Variants in TUBGCP3 observed in about 807,000 individuals in gnomAD.
TUBGCP3 encodes gamma-tubulin complex component 3.
Under a neutral mutation model 123.1 loss-of-function variants are expected in TUBGCP3, and 50 were observed. The observed-to-expected ratio is 0.41, with a 90% CI of 0.32 to 0.51. The LOEUF is 0.51. Ranked by LOEUF, TUBGCP3 falls within the 20% of genes least tolerant of loss-of-function variation. The pLI is 0.36. For missense variants in TUBGCP3, 882 were observed against 1,127.0 expected, an observed-to-expected ratio of 0.78 and a Z score of 3.11; for synonymous variants, 405 against 413.9, an observed-to-expected ratio of 0.98 and a Z score of 0.26.
At chr13:112,540,259 G>A (rs57248424) in intron 11 of TUBGCP3, among the ~76,000 whole-genome samples, 101 of 74,524 alleles carry the variant, frequency 1.4e-3, no homozygotes, top group African/African-American at 2.8e-3. Context: ...ATACCTGGGA[G>A]TGATGACGTC....
chr13:112,554,711 A>G, intron 7 of TUBGCP3, among the ~76,000 whole-genome samples, 176 bp downstream of exon 7: 1 of 152,208 alleles, frequency 6.6e-6, no homozygotes, highest in East Asian at 1.9e-4. Flanking sequence ...TCCCCATAAC[A>G]AAACTGAACG....
At chr13:112,521,545 C>A (rs1385162756) in intron 14 of TUBGCP3, 3 of 429,716 alleles carry the variant, frequency 7.0e-6, no homozygotes, top group Non-Finnish European at 9.3e-6. Flanking sequence ...AGCAAGCTTT[C>A]TAGTCTGTGA....
chr13:112,604,909 C>T, the TUBGCP3 span: 4 of 152,248 alleles, frequency 2.6e-5, no homozygotes, highest in African/African-American at 9.6e-5. Context: ...CATGGATGTG[C>T]TGCTCTTTAT....
chr13:112,487,690 A>G (rs1482822933), intron 21 of TUBGCP3, among the ~76,000 whole-genome samples: 3 of 152,238 alleles, frequency 2.0e-5, no homozygotes, highest in Non-Finnish European at 4.4e-5. Context: ...TCCAACAGGG[A>G]TGCCTGTTCA....
chr13:112,599,385 TGAGA>T, the TUBGCP3 span, among the ~76,000 whole-genome samples: 1 of 152,264 alleles, frequency 6.6e-6, no homozygotes, highest in Non-Finnish European at 1.5e-5. Flanking sequence ...TTGTTCTGAC[TGAGA>T]GAGTTGTCTA....
intron 8 of TUBGCP3, among the ~76,000 whole-genome samples, chr13:112,553,834 T>A (rs1468852767): frequency 6.6e-6 from 1 of 152,164 alleles, no homozygotes; most frequent in African/African-American, 2.4e-5. Context: ...TTCTCTGTAT[T>A]TTACAGTCCT....
chr13:112,570,121 A>C (rs937689665), intron 1 of TUBGCP3, among the ~76,000 whole-genome samples: 1 of 140,662 alleles, frequency 7.1e-6, no homozygotes, highest in African/African-American at 2.7e-5. Flanking sequence ...GCTGCCAGAC[A>C]ACCACCGAGA....
chr13:112,490,598 A>G (rs979096887), intron 20 of TUBGCP3, among the ~76,000 whole-genome samples: 1 of 152,244 alleles, frequency 6.6e-6, no homozygotes. Flanking sequence ...ATATTACTGG[A>G]TTTCCCAAAC....
At chr13:112,562,217 G>T (rs1311600352) in intron 3 of TUBGCP3, among the ~76,000 whole-genome samples, 1 of 151,528 alleles carries the variant, frequency 6.6e-6, no homozygotes, top group Non-Finnish European at 1.5e-5. Context: ...GACCCACTAG[G>T]GACCACCACC....
At chr13:112,569,602 A>C (rs1014309207) in intron 1 of TUBGCP3, among the ~76,000 whole-genome samples, 6 of 152,198 alleles carry the variant, frequency 3.9e-5, no homozygotes. Context: ...AGAGCCTCTG[A>C]GTAACTCCAG....
intron 20 of TUBGCP3, among the ~76,000 whole-genome samples, chr13:112,498,194 A>G (rs886110621): frequency 6.6e-6 from 1 of 152,196 alleles, no homozygotes; most frequent in Non-Finnish European, 1.5e-5. Context: ...AGATCGTTTG[A>G]CTTAAGATTT....
At chr13:112,591,092 T>G (rs1369109071), upstream of TUBGCP3, among the ~76,000 whole-genome samples, 1 of 152,190 alleles carries the variant, frequency 6.6e-6, no homozygotes, top group Non-Finnish European at 1.5e-5. Context: ...AACACATACT[T>G]CAGCCAGGAG....
chr13:112,521,327 G>A lies in TUBGCP3; in HGVS notation c.1745+993C>T, dbSNP rs571725093. Among the ~76,000 whole-genome samples, 5 of 152,328 alleles carry A rather than the reference G, an allele frequency of 3.3e-5. No homozygotes were observed. The South Asian group carries it at 6.2e-4, about 19-fold the overall frequency. On this transcript the variant is annotated intron_variant, in intron 14 of 21. Transcript: ENST00000261965. The stretch of plus-strand genomic sequence containing the variant: ...TCACAAGCCAGCTATGGCTGTGTAC[G>A]CCTCAAAAAGCCACATGAGTTTTCA...
chr13:112,601,429 G>A, the TUBGCP3 span, among the ~76,000 whole-genome samples: 10 of 152,188 alleles, frequency 6.6e-5, no homozygotes, highest in Non-Finnish European at 1.2e-4. Flanking sequence ...GGCTTGAGAT[G>A]AGTGTGGATT....
At chr13:112,502,574 C>T (rs1344897805) in intron 19 of TUBGCP3, among the ~76,000 whole-genome samples, 2 of 129,906 alleles carry the variant, frequency 1.5e-5, no homozygotes, top group East Asian at 4.4e-4. Context: ...GAGACAGAGT[C>T]TCGCTCTGTT....
intron 17 of TUBGCP3, among the ~76,000 whole-genome samples, chr13:112,512,874 A>G (rs1881764920): frequency 6.6e-6 from 1 of 152,212 alleles, no homozygotes; most frequent in East Asian, 1.9e-4. Flanking sequence ...CAGATGAGTA[A>G]GTTAATGTCT....
intron 9 of TUBGCP3, 151 bp from the exon 10 acceptor site, chr13:112,547,903 C>T (rs1250495938): frequency 2.7e-6 from 3 of 1,112,318 alleles, no homozygotes; most frequent in South Asian, 5.1e-5. Context: ...TTAAAGCTAC[C>T]TTTAACCGGT....
the TUBGCP3 span, among the ~76,000 whole-genome samples, chr13:112,596,107 A>G: frequency 5.9e-5 from 9 of 152,176 alleles, no homozygotes; most frequent in African/African-American, 2.2e-4. Context: ...TATTTCCTCT[A>G]CAAACATTGA....
At position 112,588,110 on chromosome 13, in the gene TUBGCP3, G is replaced by T; in HGVS notation, c.-130C>A. ...CCTGACAGGCTAAGGCGCGGGCGCC[G>T]CCGGCCACCAGGGCGCCATTTTAAC... On this transcript the variant is annotated 5_prime_UTR_variant, in exon 1 of 22. Coordinates refer to ENST00000261965, the MANE Select transcript of TUBGCP3 (RefSeq NM_006322.6). 1.3e-6 allele frequency: 1 copy of T among 761,920 alleles called. No individual in the cohort carries two copies. The highest frequency in any genetic ancestry group is 1.8e-6 in the Non-Finnish European group (1 of 542,832). 47.2% of individuals were successfully genotyped at this position (761,920 alleles called of 1,614,324 possible). A position where few individuals can be genotyped will look rare whatever the true frequency, so the allele number is the denominator to read the frequency against.
Sources: gnomAD v4.1 joint callset for allele counts (sites outside exome capture counted in the v4.1 genomes callset) on GRCh38, gnomAD v4.1.1 for gene constraint, MANE v1.5 for transcripts, NCBI Gene and HGNC (gene_info 2026-07-23, HGNC 2026-07-21) for gene names.